The following CHLSN variants were observed in gnomAD, a reference collection of about 807,000 sequenced individuals.
CHLSN encodes the protein cholesin, also known as protein cholesin.
chr7:1,082,859 G>A, the CHLSN span, among the ~76,000 whole-genome samples: 1 of 152,258 alleles, frequency 6.6e-6, no homozygotes, highest in East Asian at 1.9e-4. Context: ...CTACTGAAGA[G>A]AGGATGCGTC....
chr7:1,016,304 T>C, the CHLSN span, among the ~76,000 whole-genome samples: 124 of 27,482 alleles, frequency 4.5e-3, 21 homozygotes, highest in Middle Eastern at 0.048. Context: ...CGCCAGCACA[T>C]AGCAGCACAG....
chr7:1,014,583 CCAT>C, the CHLSN span, among the ~76,000 whole-genome samples: 4 of 152,278 alleles, frequency 2.6e-5, no homozygotes, highest in East Asian at 1.9e-4. Context: ...AAAATAAAAA[CCAT>C]CATCATTTCC....
At chr7:1,033,104 G>C in the CHLSN span, among the ~76,000 whole-genome samples, 1 of 152,202 alleles carries the variant, frequency 6.6e-6, no homozygotes, top group Non-Finnish European at 1.5e-5. Context: ...TGTGAAGCTA[G>C]TAGAACCCTG....
the CHLSN span, among the ~76,000 whole-genome samples, chr7:1,066,587 T>C: frequency 6.6e-6 from 1 of 152,040 alleles, no homozygotes; most frequent in Admixed American, 6.5e-5. Context: ...CGAGGGGTTC[T>C]ACCTGCCCTC....
chr7:1,029,429 T>G, the CHLSN span, among the ~76,000 whole-genome samples: 5 of 152,194 alleles, frequency 3.3e-5, no homozygotes, highest in Admixed American at 1.3e-4. Context: ...CCCAGCCTAA[T>G]TTTTAATTTT....
the CHLSN span, among the ~76,000 whole-genome samples, chr7:1,020,093 G>A: frequency 2.6e-5 from 4 of 152,220 alleles, no homozygotes; most frequent in Non-Finnish European, 4.4e-5. Flanking sequence ...CGGCGGAGTG[G>A]TGGTGTCTGC....
chr7:1,016,712 C>T, the CHLSN span, among the ~76,000 whole-genome samples: 1 of 125,720 alleles, frequency 8.0e-6, no homozygotes, highest in Non-Finnish European at 1.6e-5. Context: ...CACACGCCAG[C>T]GCACAGCAGC....
chr7:1,057,127 C>T, the CHLSN span, among the ~76,000 whole-genome samples: 12 of 152,256 alleles, frequency 7.9e-5, no homozygotes, highest in African/African-American at 2.9e-4. Context: ...GCGAACACCA[C>T]AGACATCTAG....
the CHLSN span, among the ~76,000 whole-genome samples, chr7:1,097,908 C>A: frequency 6.6e-6 from 1 of 152,106 alleles, no homozygotes; most frequent in African/African-American, 2.4e-5. The surrounding 1 kb of genome is among the most constrained non-coding windows in gnomAD (Gnocchi z 4.3). Context: ...TCAAAAATGT[C>A]CATGTGACAA....
chr7:1,070,971 G>T, the CHLSN span, among the ~76,000 whole-genome samples: 3 of 142,796 alleles, frequency 2.1e-5, no homozygotes, highest in African/African-American at 7.8e-5. Flanking sequence ...CACGCACACG[G>T]GCACATGCAC....
At chr7:1,011,489 TCACACGCCCAGACACCCTGA>T in the CHLSN span, among the ~76,000 whole-genome samples, 3 of 95,976 alleles carry the variant, frequency 3.1e-5, no homozygotes, top group Non-Finnish European at 6.1e-5. Flanking sequence ...AGACACACCT[TCACACGCCCAGACACCCTGA>T]CACACCCACA....
the CHLSN span, chr7:1,025,068 C>G: frequency 2.0e-5 from 3 of 152,298 alleles, no homozygotes; most frequent in African/African-American, 4.8e-5. Context: ...CGCCCCACAC[C>G]TGTCAGCAGC....
At chr7:1,039,321 A>G in the CHLSN span, among the ~76,000 whole-genome samples, 2 of 39,540 alleles carry the variant, frequency 5.1e-5, no homozygotes, top group Non-Finnish European at 8.9e-5. Context: ...CTGGGAAGTG[A>G]GGAGCCCCTC....
chr7:997,722 G>T, the CHLSN span: 3 of 1,611,376 alleles, frequency 1.9e-6, no homozygotes, highest in African/African-American at 4.0e-5. Context: ...CAGGGCTTCC[G>T]CCTTCTGCAC....
At chr7:988,672 C>T in the CHLSN span, 4 of 1,600,770 alleles carry the variant, frequency 2.5e-6, no homozygotes, top group East Asian at 2.2e-5. Context: ...TGGCCAGGAC[C>T]GAGCTCTTCC....
At chr7:1,054,019 GT>G in the CHLSN span, among the ~76,000 whole-genome samples, 3 of 152,170 alleles carry the variant, frequency 2.0e-5, no homozygotes, top group African/African-American at 7.2e-5. Flanking sequence ...CGAGGAAGGG[GT>G]TTCCTCACGC....
chr7:1,035,830 TG>T, the CHLSN span, among the ~76,000 whole-genome samples: 1 of 152,236 alleles, frequency 6.6e-6, no homozygotes. Context: ...ACATGAAACC[TG>T]CACACAGATA....
At chr7:1,112,164 CAT>C in the CHLSN span, among the ~76,000 whole-genome samples, 1 of 152,208 alleles carries the variant, frequency 6.6e-6, no homozygotes, top group Admixed American at 6.5e-5. Context: ...ATTCCACTGA[CAT>C]GGAAACAGTG....
At chr7:1,079,591 G>A in the CHLSN span, among the ~76,000 whole-genome samples, 1 of 152,252 alleles carries the variant, frequency 6.6e-6, no homozygotes, top group Non-Finnish European at 1.5e-5. Flanking sequence ...GCGTGCTGAG[G>A]GAATCTGCAC....
Sources: gnomAD v4.1 joint callset for allele counts (sites outside exome capture counted in the v4.1 genomes callset) on GRCh38, gnomAD v4.1.1 for gene constraint, Gnocchi (gnomAD v3.1) non-coding constraint, MANE v1.5 for transcripts, NCBI Gene and HGNC (gene_info 2026-07-23, HGNC 2026-07-21) for gene names.